The following ANKRD24 variants were observed in gnomAD, a reference collection of about 807,000 sequenced individuals.
ANKRD24 encodes ankyrin repeat domain-containing protein 24.
ANKRD24 carries 109 observed loss-of-function variants against 127.8 expected under a neutral mutation model. The observed-to-expected ratio is 0.85, with a 90% CI of 0.73 to 1.00. ANKRD24 has a LOEUF of 1.00. Among genes scored for constraint, ANKRD24 ranks in the 50% least tolerant of loss-of-function variants. The pLI is 0.00. For missense variants in ANKRD24, 1,648 were observed against 1,570.2 expected (o/e 1.05, Z -0.84); for synonymous variants, 743 against 671.1 (o/e 1.11, Z -1.66).
chr19:4,217,310 C>T lies in ANKRD24; in HGVS notation c.2150C>T (p.Ala717Val). The T allele has an allele frequency of 6.4e-7, 1 of 1,552,808 alleles. No homozygotes were observed. Among genetic ancestry groups the T allele is most frequent in the Non-Finnish European group, 8.7e-7 (1 of 1,147,762 alleles). Residue 717 changes from alanine (A) to valine (V), a missense_variant, in exon 18 of 22, where the codon GCC becomes GTC. By Grantham distance (64) the Ala-to-Val change is moderately conservative. Transcript: ENST00000318934. ...GPILHPGAAEASEKLQVELET... is the reference protein window; with the variant it reads ...GPILHPGAAEVSEKLQVELET... Reference sequence around the variant, plus strand: ...ATCCTACATCCTGGTGCCGCAGAGGCCTCGGAAAAGCTTCAAGTAGAGCTG... The same window carrying T: ...ATCCTACATCCTGGTGCCGCAGAGGTCTCGGAAAAGCTTCAAGTAGAGCTG...
In ANKRD24 at chr19:4,195,137, ACT is replaced by A. The variant is rs1491412726; in HGVS notation, c.37-4545_37-4544del. Among the ~76,000 whole-genome samples the A allele has an allele frequency of 7.9e-5, 12 of 151,740 alleles. No homozygotes were observed. The South Asian group carries it at 1.2e-3, about 16-fold the overall frequency. The stretch of plus-strand genomic sequence containing the variant: ...ACCCAGGTTGGAGTGCAGTGGCACG[ACT>A]TCTGCTCACTGCAAGCTCCGCCTCC... On this transcript the variant is annotated intron_variant, in intron 2 of 21. Transcript: ENST00000318934. The surrounding 1 kb of genome is among the most constrained non-coding windows in gnomAD (Gnocchi z 4.2).
chr19:4,203,000 C>A, intron 7 of ANKRD24, 74 bp downstream of exon 7: 1 of 1,300,416 alleles, frequency 7.7e-7, no homozygotes, highest in Non-Finnish European at 1.0e-6. Context: ...CTGCCCAGGG[C>A]CCTAGGGACC....
chr19:4,210,455 C>T (rs1226941953), intron 13 of ANKRD24, 83 bp downstream of exon 13: 10 of 1,236,002 alleles, frequency 8.1e-6, no homozygotes, highest in Non-Finnish European at 1.0e-5. Context: ...TTTTCTCCCA[C>T]CTTCCCTCCT....
At chr19:4,210,024 G>T (rs369504947) in intron 11 of ANKRD24, 34 bp from the exon 12 acceptor site, 3 of 1,409,222 alleles carry the variant, frequency 2.1e-6, no homozygotes, top group East Asian at 2.4e-5. Flanking sequence ...CCCCCCGATC[G>T]GCCCCCTTCA....
chr19:4,201,900 G>C, intron 5 of ANKRD24, 126 bp from the exon 6 acceptor site: 1 of 789,150 alleles, frequency 1.3e-6, no homozygotes, highest in Admixed American at 2.2e-5. Context: ...AAAAAGGAGA[G>C]AAATACTAGG....
At chr19:4,206,144 A>AAAAGAAAT (rs1969368583) in intron 7 of ANKRD24, among the ~76,000 whole-genome samples, 1 of 141,924 alleles carries the variant, frequency 7.0e-6, no homozygotes, top group Non-Finnish European at 1.5e-5. Flanking sequence ...CTCCGTCTCA[A>AAAAGAAAT]AAATAAATAA....
At chr19:4,214,079 T>C (rs1969920614) in intron 15 of ANKRD24, among the ~76,000 whole-genome samples, 1 of 151,924 alleles carries the variant, frequency 6.6e-6, no homozygotes, top group Non-Finnish European at 1.5e-5. Context: ...CAAGAACACA[T>C]CATCACACAC....
chr19:4,189,203 A>G (rs1024232148), intron 2 of ANKRD24, among the ~76,000 whole-genome samples: 5 of 140,214 alleles, frequency 3.6e-5, no homozygotes, highest in African/African-American at 1.3e-4. Flanking sequence ...TTAATTTAAT[A>G]TCATTGGATT....
At chr19:4,208,743 C>A (rs1221536449) in intron 10 of ANKRD24, 21 bp from the exon 11 acceptor site, 1 of 1,610,598 alleles carries the variant, frequency 6.2e-7, no homozygotes, top group Non-Finnish European at 8.5e-7. Context: ...AATGCCTGAC[C>A]CTGCTTCCCT....
In ANKRD24 at chr19:4,216,701, A is replaced by G; in HGVS notation, c.1541A>G (p.Glu514Gly). Residue 514 changes from glutamate to glycine, a missense_variant, in exon 18 of 22, where the codon GAG becomes GGG. Physicochemically the swap from Glu to Gly is moderately conservative, Grantham distance 98. Coordinates refer to ENST00000318934, the MANE Select transcript of ANKRD24 (RefSeq NM_001393985.1). ...AEALQALRQQ[E>G]TREVPREEGA... ...GCCCTGCAGGCCCTGAGGCAGCAGG[A>G]GACACGAGAGGTCCCCAGAGAAGAG... 1 of 1,581,716 alleles carries G rather than the reference A, an allele frequency of 6.3e-7. No individual in the cohort carries two copies. Among genetic ancestry groups the G allele is most frequent in the Non-Finnish European group, 8.6e-7 (1 of 1,164,298 alleles).
chr19:4,197,825 A>G (rs984761971), intron 2 of ANKRD24, among the ~76,000 whole-genome samples: 1 of 152,214 alleles, frequency 6.6e-6, no homozygotes, highest in Non-Finnish European at 1.5e-5. Flanking sequence ...GAGTGAATTA[A>G]TGCATGAAAG....
intron 1 of ANKRD24, among the ~76,000 whole-genome samples, chr19:4,182,993 G>GTGTGTGTGTGTA (rs1195615456): frequency 6.6e-6 from 1 of 151,818 alleles, no homozygotes; most frequent in African/African-American, 2.4e-5. Flanking sequence ...GTGTGTGTGT[G>GTGTGTGTGTGTA]TGTGTGACGG....
chr19:4,214,261 G>A lies in ANKRD24; in HGVS notation c.1197+1563G>A, dbSNP rs560060433. On this transcript the variant is annotated intron_variant, in intron 15 of 21. Coordinates refer to ENST00000318934, the MANE Select transcript of ANKRD24 (RefSeq NM_001393985.1). ...GGCTCACTGCAGCCTTGACTTTCCC[G>A]GCCTCAAGCAATCCTCTCACCTCAG... Among the ~76,000 whole-genome samples, 17 of 151,242 alleles carry A rather than the reference G, an allele frequency of 1.1e-4. No homozygotes were observed. In the South Asian group the frequency reaches 1.3e-3, roughly 11 times the overall value.
intron 1 of ANKRD24, chr19:4,183,438 A>T: frequency 2.6e-6 from 2 of 782,458 alleles, no homozygotes; most frequent in Non-Finnish European, 3.1e-6. Flanking sequence ...GGTACCATCT[A>T]TGCCCTGGTG....
At position 4,207,504 on chromosome 19, in the gene ANKRD24, G is replaced by A. The variant is rs761109990; in HGVS notation, c.541G>A (p.Gly181Ser). The A allele has an allele frequency of 1.2e-6, 2 of 1,613,712 alleles. No homozygotes were observed. The highest frequency in any genetic ancestry group is 1.1e-5 in the South Asian group (1 of 91,090). ...CATCCCTCCTCCTCCCTACCAGTCA[G>A]GCGCAACACCCCTCATTATAGCAGC... ...KAHLNPQDRS[G>S]ATPLIIAAQM... Residue 181 changes from glycine to serine, a missense_variant, in exon 9 of 22, where the codon GGC (glycine) becomes AGC (serine). Physicochemically the swap from Gly to Ser is moderately conservative, Grantham distance 56 (BLOSUM62 0). Coordinates refer to ENST00000318934, the MANE Select transcript of ANKRD24 (RefSeq NM_001393985.1).
At chr19:4,186,303 G>A (rs1194703855) in intron 1 of ANKRD24, 87 bp from the exon 2 acceptor site, 42 of 1,521,750 alleles carry the variant, frequency 2.8e-5, no homozygotes, top group African/African-American at 9.7e-5. Context: ...AGGAGGAAGC[G>A]GTCCTTTTGA....
Position 4,199,878 on chromosome 19 carries a change from C to G in ANKRD24, c.127C>G (p.Gln43Glu). The G allele has an allele frequency of 6.4e-7, 1 of 1,570,326 alleles. No homozygotes were observed. The stretch of plus-strand genomic sequence containing the variant: ...CACTTCTGGGCGTGCCCTGCAGAGT[C>G]AAGACTGGGGCAAGAGTGACGAGAG... The part of the protein sequence containing the change: ...KPAARGRRQS[Q>E]DWGKSDERLL... The change falls in exon 4 of 22, where the codon CAA becomes GAA. Residue 43 changes from glutamine (Q) to glutamate (E), a missense_variant. By Grantham distance (29) the Gln-to-Glu change is conservative. Coordinates refer to ENST00000318934, the MANE Select transcript of ANKRD24 (RefSeq NM_001393985.1). This position sits in a 1 kb window ranked among gnomAD's most constrained non-coding sequence, Gnocchi z 5.2.
At chr19:4,188,111 CTT>C (rs921189952) in intron 2 of ANKRD24, among the ~76,000 whole-genome samples, 29 of 152,196 alleles carry the variant, frequency 1.9e-4, no homozygotes, top group Admixed American at 1.6e-3. Flanking sequence ...GAGTTTCCCT[CTT>C]GTCGCCCAGG....
At position 4,182,698 on chromosome 19, in the gene ANKRD24, A is replaced by T. The variant is rs892887636; in HGVS notation, c.-79A>T. 7.8e-6 allele frequency: 11 copies of T among 1,416,510 alleles called. No homozygotes were observed. Among genetic ancestry groups the T allele is most frequent in the Admixed American group, 6.6e-5 (2 of 30,284 alleles). The allele number at this position is 1,416,510 out of a possible 1,614,324, so 87.7% of individuals were successfully genotyped here. ...GCCTCTTGCTGACGCCGCAGGCGAC[A>T]TGTTATCTGCTGTCAGAAGGAAGCC... On this transcript the variant is annotated 5_prime_UTR_variant, in exon 1 of 22. The change abolishes an upstream ATG in the 5' untranslated region. Transcript: ENST00000318934.
Sources: allele counts gnomAD v4.1 joint callset (sites outside exome capture counted in the v4.1 genomes callset), GRCh38; gene constraint gnomAD v4.1.1; non-coding constraint Gnocchi (gnomAD v3.1); transcripts MANE v1.5; gene names NCBI Gene and HGNC (gene_info 2026-07-23, HGNC 2026-07-21).